The following EHHADH variants were observed in gnomAD, a reference collection of about 807,000 sequenced individuals.
EHHADH encodes enoyl-CoA hydratase and 3-hydroxyacyl CoA dehydrogenase.
Under a neutral mutation model 64.4 loss-of-function variants are expected in EHHADH, and 48 were observed. That is an observed-to-expected ratio of 0.75 (90% confidence interval 0.59 to 0.95). EHHADH has a LOEUF of 0.95. Among genes scored for constraint, EHHADH ranks in the 40% least tolerant of loss-of-function variants. EHHADH has a pLI of 0.00. For missense variants in EHHADH, 854 were observed against 876.6 expected, an observed-to-expected ratio of 0.97 and a Z score of 0.33; for synonymous variants, 308 against 326.7, an observed-to-expected ratio of 0.94 and a Z score of 0.62.
At chr3:185,223,440 CT>C (rs907811239) in intron 4 of EHHADH, among the ~76,000 whole-genome samples, 11 of 150,422 alleles carry the variant, frequency 7.3e-5, no homozygotes, top group South Asian at 2.1e-4. Flanking sequence ...GTTTATGTTT[CT>C]TTTTTTTTAA....
intron 2 of EHHADH, among the ~76,000 whole-genome samples, chr3:185,238,872 C>G (rs1719373271): frequency 6.6e-6 from 1 of 152,060 alleles, no homozygotes; most frequent in Non-Finnish European, 1.5e-5. Context: ...GGCCAACGTC[C>G]AAAAGAGATT....
intron 1 of EHHADH, among the ~76,000 whole-genome samples, chr3:185,252,612 T>A (rs1719780720): frequency 6.6e-6 from 1 of 152,310 alleles, no homozygotes; most frequent in South Asian, 2.1e-4. Context: ...TTTTGCTTTT[T>A]ATTCTGGGAA....
intron 6 of EHHADH, among the ~76,000 whole-genome samples, chr3:185,194,432 G>A (rs1304366952): frequency 6.6e-6 from 1 of 152,092 alleles, no homozygotes; most frequent in East Asian, 1.9e-4. Context: ...GACCAACATG[G>A]AGAAAACCCG....
chr3:185,245,306 A>G (rs1284271156), intron 2 of EHHADH, among the ~76,000 whole-genome samples: 1 of 152,216 alleles, frequency 6.6e-6, no homozygotes, highest in East Asian at 1.9e-4. Context: ...CTTGAGCATC[A>G]GCATCTTGCA....
intron 5 of EHHADH, among the ~76,000 whole-genome samples, chr3:185,210,494 C>T (rs944373661): frequency 3.3e-5 from 5 of 151,784 alleles, no homozygotes; most frequent in Non-Finnish European, 5.9e-5. Context: ...ATTAGCCAGG[C>T]GTGGTGGGTG....
At chr3:185,197,410 T>C (rs1260516062) in intron 6 of EHHADH, among the ~76,000 whole-genome samples, 1 of 152,194 alleles carries the variant, frequency 6.6e-6, no homozygotes, top group Non-Finnish European at 1.5e-5. Flanking sequence ...CTCTTTCGAA[T>C]TGCAAAGCTG....
intron 3 of EHHADH, among the ~76,000 whole-genome samples, chr3:185,230,452 G>T (rs1214399397): frequency 1.3e-5 from 2 of 152,138 alleles, no homozygotes; most frequent in Admixed American, 6.5e-5. Flanking sequence ...ATAAATGAAA[G>T]GTAGTACATC....
intron 4 of EHHADH, among the ~76,000 whole-genome samples, chr3:185,226,518 G>A (rs1157386834): frequency 5.9e-5 from 9 of 151,996 alleles, no homozygotes; most frequent in Admixed American, 3.3e-4. Context: ...GCATGGTGGC[G>A]CATTTCTGTA....
Position 185,213,132 on chromosome 3 carries a change from A to AAAAG in EHHADH, c.568+5003_568+5004insCTTT, listed in dbSNP as rs1718592131. On this transcript the variant is annotated intron_variant, in intron 5 of 6. Coordinates refer to ENST00000231887, the MANE Select transcript of EHHADH (RefSeq NM_001966.4). The stretch of plus-strand genomic sequence containing the variant: ...AAGACTCTGTCTCAAAAAAAAAAAA[A>AAAAG]AAAAAAAAAAAAAAGACTATAGGTA... Among the ~76,000 whole-genome samples the AAAAG allele has an allele frequency of 1.3e-5, 2 of 149,556 alleles. 1 individual carries two copies. Among genetic ancestry groups the AAAAG allele is most frequent in the Non-Finnish European group, 3.0e-5 (2 of 67,356 alleles).
chr3:185,227,330 C>G (rs578169491), intron 4 of EHHADH, among the ~76,000 whole-genome samples: 1 of 152,158 alleles, frequency 6.6e-6, no homozygotes, highest in East Asian at 1.9e-4. Flanking sequence ...GTTGGTAGTT[C>G]CAGACCAGCC....
At position 185,193,140 on chromosome 3, in the gene EHHADH, A is replaced by C; in HGVS notation, c.1258T>G (p.Ser420Ala). Residue 420 changes from serine (S) to alanine (A), a missense_variant, in exon 7 of 7, where the codon TCT (serine) becomes GCT (alanine). By Grantham distance (99) the Ser-to-Ala change is moderately conservative. Coordinates refer to ENST00000231887, the MANE Select transcript of EHHADH (RefSeq NM_001966.4). ...ACCAAGTGAGGACGATCAGTGGAAG[A>C]AGCAATCTCATCAACATCCAGGGCT... ...TSALDVDEIA[S>A]STDRPHLVIG... 6.2e-7 allele frequency: 1 copy of C among 1,613,302 alleles called. No homozygotes were observed. Among genetic ancestry groups the C allele is most frequent in the Non-Finnish European group, 8.5e-7 (1 of 1,179,664 alleles).
intron 5 of EHHADH, among the ~76,000 whole-genome samples, chr3:185,206,905 A>AC (rs199845743): frequency 0.025 from 3,629 of 148,000 alleles, 107 homozygotes; most frequent in African/African-American, 0.065. Flanking sequence ...TCAGAATAAC[A>AC]CCCCCCCCAC....
chr3:185,251,608 ATGTGTGTGTGTGTGTG>A (rs3072431), intron 1 of EHHADH, among the ~76,000 whole-genome samples: 3 of 149,200 alleles, frequency 2.0e-5, no homozygotes, highest in Non-Finnish European at 3.0e-5. Context: ...AAAAATTTAT[ATGTGTGTGTGTGTGTG>A]TGTGTGTGTG....
intron 4 of EHHADH, among the ~76,000 whole-genome samples, chr3:185,219,286 C>T (rs1262054274): frequency 6.6e-6 from 1 of 152,210 alleles, no homozygotes; most frequent in Non-Finnish European, 1.5e-5. Context: ...GATGATTAGA[C>T]AATTGACAAT....
chr3:185,197,342 T>A (rs1476360238), intron 6 of EHHADH, among the ~76,000 whole-genome samples: 1 of 152,258 alleles, frequency 6.6e-6, no homozygotes, highest in Non-Finnish European at 1.5e-5. Context: ...TAGCCATTTC[T>A]AAGTGCACAG....
At chr3:185,198,169 G>C (rs1470571999) in intron 6 of EHHADH, among the ~76,000 whole-genome samples, 2 of 151,826 alleles carry the variant, frequency 1.3e-5, no homozygotes, top group Non-Finnish European at 2.9e-5. Context: ...TTACCTTTTT[G>C]ACAAACTGTC....
intron 4 of EHHADH, among the ~76,000 whole-genome samples, chr3:185,228,399 C>T (rs1022911038): frequency 1.3e-4 from 20 of 151,310 alleles, no homozygotes; most frequent in African/African-American, 3.4e-4. Flanking sequence ...CCGGGCTGGC[C>T]GGATGTGGTG....
At position 185,216,560 on chromosome 3, in the gene EHHADH, C is replaced by T. The variant is rs953251984; in HGVS notation, c.568+1576G>A. Among the ~76,000 whole-genome samples the T allele has an allele frequency of 6.6e-6, 1 of 152,232 alleles. No homozygotes were observed. Among genetic ancestry groups the T allele is most frequent in the African/African-American group, 2.4e-5 (1 of 41,456 alleles). The stretch of plus-strand genomic sequence containing the variant: ...AGTAGGAAATTTATTTCTATTTGGG[C>T]AAGGACTTGCTGATTCTCTTTAGGG... On this transcript the variant is annotated intron_variant, in intron 5 of 6. Transcript: ENST00000231887. The surrounding 1 kb of genome is among the most constrained non-coding windows in gnomAD (Gnocchi z 5.3).
intron 2 of EHHADH, among the ~76,000 whole-genome samples, chr3:185,242,805 T>G (rs765736095): frequency 6.6e-6 from 1 of 152,194 alleles, no homozygotes; most frequent in African/African-American, 2.4e-5. Flanking sequence ...CCCAGCTGCA[T>G]AAGGGCTTTA....
Sources: gnomAD v4.1 joint callset for allele counts (sites outside exome capture counted in the v4.1 genomes callset) on GRCh38, gnomAD v4.1.1 for gene constraint, Gnocchi (gnomAD v3.1) non-coding constraint, MANE v1.5 for transcripts, NCBI Gene and HGNC (gene_info 2026-07-23, HGNC 2026-07-21) for gene names.